The following RSRC1 variants were observed in gnomAD, a reference collection of about 807,000 sequenced individuals.
RSRC1 encodes serine/Arginine-related protein 53.
In RSRC1, 39 loss-of-function variants were observed where a neutral mutation model predicts 49.1. The observed-to-expected ratio is 0.79, with a 90% CI of 0.61 to 1.04. The LOEUF (loss-of-function observed/expected upper bound fraction) is 1.04, where lower values mean the gene tolerates loss of function less well. Among genes scored for constraint, RSRC1 ranks in the 50% least tolerant of loss-of-function variants. The probability of loss-of-function intolerance (pLI) is 0.00; values close to 1 mark genes in which losing one functional copy is unlikely to be tolerated. For missense variants in RSRC1, 388 were observed against 402.4 expected, an observed-to-expected ratio of 0.96 and a Z score of 0.31; for synonymous variants, 143 against 130.8, an observed-to-expected ratio of 1.09 and a Z score of -0.63.
At chr3:158,482,896 C>T (rs908579120) in intron 7 of RSRC1, among the ~76,000 whole-genome samples, 1 of 151,904 alleles carries the variant, frequency 6.6e-6, no homozygotes, top group African/African-American at 2.4e-5. Context: ...GTAATCTGCA[C>T]AGAAATCAAA....
At chr3:158,266,561 T>C (rs1415348485) in intron 4 of RSRC1, among the ~76,000 whole-genome samples, 1 of 152,190 alleles carries the variant, frequency 6.6e-6, no homozygotes, top group Non-Finnish European at 1.5e-5. Flanking sequence ...TTTATACTTT[T>C]TATCATTACA....
intron 4 of RSRC1, among the ~76,000 whole-genome samples, chr3:158,296,322 A>G (rs549531794): frequency 6.6e-6 from 1 of 151,678 alleles, no homozygotes; most frequent in Non-Finnish European, 1.5e-5. Flanking sequence ...GGAGAAAGAC[A>G]CACACACACA....
At chr3:158,388,193 A>C (rs1256250963) in intron 6 of RSRC1, among the ~76,000 whole-genome samples, 1 of 151,666 alleles carries the variant, frequency 6.6e-6, no homozygotes, top group Non-Finnish European at 1.5e-5. Flanking sequence ...TATTATATAA[A>C]ATTTTATAAA....
chr3:158,396,971 A>C (rs1361510998), intron 6 of RSRC1, among the ~76,000 whole-genome samples: 1 of 152,116 alleles, frequency 6.6e-6, no homozygotes. Flanking sequence ...GAAAGGTCAA[A>C]CATCTATAGT....
At chr3:158,466,897 A>G (rs554492863) in intron 7 of RSRC1, among the ~76,000 whole-genome samples, 2 of 152,282 alleles carry the variant, frequency 1.3e-5, no homozygotes, top group Non-Finnish European at 2.9e-5. Context: ...CCCTGTCTCA[A>G]AAAGAAAAAA....
intron 3 of RSRC1, among the ~76,000 whole-genome samples, chr3:158,126,447 C>T (rs1338145256): frequency 6.6e-6 from 1 of 151,926 alleles, no homozygotes; most frequent in Non-Finnish European, 1.5e-5. Flanking sequence ...TTGGTAATAA[C>T]CTTTGACTTT....
chr3:158,366,686 A>G lies in RSRC1; in HGVS notation c.583+11778A>G, dbSNP rs1731788348. On this transcript the variant is annotated intron_variant, in intron 6 of 9. Coordinates refer to ENST00000611884, the MANE Select transcript of RSRC1 (RefSeq NM_001271838.2). ...AGTAGTTTTTTCCAATTCTGTGAAG[A>G]AAGTCAATAGTAGCTTGATGGGGAT... 2.0e-5 allele frequency among the ~76,000 whole-genome samples: 3 copies of G among 152,146 alleles called. No homozygotes were observed. In the South Asian group the frequency reaches 6.2e-4, roughly 32 times the overall value.
At chr3:158,161,942 T>C (rs1559924555) in intron 3 of RSRC1, among the ~76,000 whole-genome samples, 1 of 152,148 alleles carries the variant, frequency 6.6e-6, no homozygotes, top group Non-Finnish European at 1.5e-5. Context: ...ATCGTATCAC[T>C]GCACTCCAGC....
chr3:158,267,173 G>A (rs1439664791), intron 4 of RSRC1, among the ~76,000 whole-genome samples: 1 of 152,096 alleles, frequency 6.6e-6, no homozygotes, highest in East Asian at 1.9e-4. Flanking sequence ...TTGTTCCAAT[G>A]CCTTCTGGCT....
In RSRC1 at chr3:158,354,859, A is replaced by G. The variant is rs1391429428; in HGVS notation, c.534A>G (p.Pro178=). 6.5e-7 allele frequency: 1 copy of G among 1,547,034 alleles called. No individual in the cohort carries two copies. Residue 178 remains proline (P), a splice_region_variant and synonymous_variant, in exon 6 of 10, where the codon CCA becomes CCG. Transcript: ENST00000611884. ...ATTTTTTTTTTTTTCTTTTTTAGCC[A>G]CCAGCTGAACAGGCCAAAGCCAGAC... is the stretch of plus-strand genomic sequence containing the variant. ...GNIKAGLEHL[P]PAEQAKARLQ...
chr3:158,157,115 T>C (rs1717924869), intron 3 of RSRC1, among the ~76,000 whole-genome samples: 2 of 152,200 alleles, frequency 1.3e-5, no homozygotes, highest in African/African-American at 4.8e-5. Flanking sequence ...TCTGTTATTG[T>C]TGCAGCTTTA....
intron 5 of RSRC1, among the ~76,000 whole-genome samples, chr3:158,306,183 A>G (rs1483475646): frequency 1.3e-5 from 2 of 151,930 alleles, no homozygotes; most frequent in Non-Finnish European, 2.9e-5. Flanking sequence ...AAATGATTAT[A>G]TCTTTTCCTA....
intron 3 of RSRC1, among the ~76,000 whole-genome samples, chr3:158,157,658 G>A (rs1717957590): frequency 1.3e-5 from 2 of 152,012 alleles, no homozygotes; most frequent in Admixed American, 6.6e-5. Context: ...AGCAAGTGCT[G>A]TAATCCCAGC....
At chr3:158,499,279 A>C (rs1739488173) in intron 7 of RSRC1, among the ~76,000 whole-genome samples, 1 of 152,126 alleles carries the variant, frequency 6.6e-6, no homozygotes, top group Admixed American at 6.5e-5. Context: ...CGGGAGGCTG[A>C]GGCAGGAGAA....
chr3:158,243,262 C>T (rs912491043), intron 4 of RSRC1, among the ~76,000 whole-genome samples: 1 of 152,156 alleles, frequency 6.6e-6, no homozygotes, highest in Non-Finnish European at 1.5e-5. Flanking sequence ...CAGTTTTTTG[C>T]ATATGGCTAG....
intron 7 of RSRC1, among the ~76,000 whole-genome samples, chr3:158,524,755 A>G (rs139777512): frequency 1.6e-4 from 24 of 152,174 alleles, no homozygotes; most frequent in African/African-American, 5.3e-4. Context: ...TATATGATCA[A>G]TTAATTTTCA....
chr3:158,474,273 A>G (rs1363863034), intron 7 of RSRC1, among the ~76,000 whole-genome samples: 1 of 152,210 alleles, frequency 6.6e-6, no homozygotes, highest in Non-Finnish European at 1.5e-5. Flanking sequence ...GTTTCCCGTA[A>G]AAGTTATGTT....
intron 4 of RSRC1, among the ~76,000 whole-genome samples, chr3:158,253,544 C>T (rs1578247287): frequency 6.6e-6 from 1 of 152,022 alleles, no homozygotes; most frequent in Non-Finnish European, 1.5e-5. Context: ...GTTCTGCAGC[C>T]ATTAGATTAA....
chr3:158,367,651 C>T (rs1040679779), intron 6 of RSRC1, among the ~76,000 whole-genome samples: 20 of 152,112 alleles, frequency 1.3e-4, no homozygotes, highest in Admixed American at 9.8e-4. Context: ...ATGATGCTGG[C>T]CTCATAAAAT....
Sources: allele counts gnomAD v4.1 joint callset (sites outside exome capture counted in the v4.1 genomes callset), GRCh38; gene constraint gnomAD v4.1.1; transcripts MANE v1.5; gene names NCBI Gene and HGNC (gene_info 2026-07-23, HGNC 2026-07-21).